Variants in CDH13 observed in about 807,000 individuals in gnomAD.
CDH13 encodes cadherin-13.
Under a neutral mutation model 63.8 loss-of-function variants are expected in CDH13, and 24 were observed. That is an observed-to-expected ratio of 0.38 (90% CI 0.27 to 0.53). The LOEUF is 0.53. CDH13 is among the 20% of genes least tolerant of loss of function. The pLI is 0.85. For synonymous variants in CDH13, 503 were observed against 355.3 expected (o/e 1.42, Z -4.67); for missense variants, 1,049 against 903.1 (o/e 1.16, Z -2.07).
At chr16:82,838,616 T>C (rs1415594523) in intron 1 of CDH13, among the ~76,000 whole-genome samples, 1 of 152,228 alleles carries the variant, frequency 6.6e-6, no homozygotes, top group Non-Finnish European at 1.5e-5. Flanking sequence ...GTGCCTTCTC[T>C]GCATGAGCCT....
chr16:83,499,483 A>G (rs1052718120), intron 7 of CDH13, among the ~76,000 whole-genome samples: 1 of 152,236 alleles, frequency 6.6e-6, no homozygotes, highest in African/African-American at 2.4e-5. Context: ...GAGAAACATC[A>G]TTAGCTTGAA....
chr16:83,778,598 C>G (rs770157802), intron 11 of CDH13, among the ~76,000 whole-genome samples: 4 of 151,710 alleles, frequency 2.6e-5, no homozygotes, highest in Non-Finnish European at 5.9e-5. Flanking sequence ...ATAGTATTTC[C>G]TAAAATGAAA....
chr16:82,849,671 T>G (rs2039401166), intron 1 of CDH13, among the ~76,000 whole-genome samples: 1 of 152,228 alleles, frequency 6.6e-6, no homozygotes. Context: ...AGATCCCATC[T>G]AGGACTTTCA....
At chr16:83,508,016 G>A (rs575461930) in intron 7 of CDH13, among the ~76,000 whole-genome samples, 1 of 138,310 alleles carries the variant, frequency 7.2e-6, no homozygotes, top group South Asian at 2.4e-4. Flanking sequence ...TGGGCAACAA[G>A]AGCAACATTC....
chr16:82,944,929 A>C (rs371478252), intron 2 of CDH13, among the ~76,000 whole-genome samples: 1 of 152,340 alleles, frequency 6.6e-6, no homozygotes, highest in African/African-American at 2.4e-5. Context: ...TTTTAAAAAA[A>C]TACACAGGGG....
chr16:83,653,868 G>T (rs978611618), intron 8 of CDH13, among the ~76,000 whole-genome samples: 1 of 152,272 alleles, frequency 6.6e-6, no homozygotes, highest in South Asian at 2.1e-4. Flanking sequence ...TAAGAAAGGC[G>T]CTCAGCACGG....
chr16:82,639,921 T>C (rs1288625258), intron 1 of CDH13, among the ~76,000 whole-genome samples: 1 of 152,224 alleles, frequency 6.6e-6, no homozygotes, highest in Admixed American at 6.5e-5. Flanking sequence ...TGGCCGTGCC[T>C]ATCTGTGCAT....
chr16:83,515,776 A>G (rs1567728947), intron 7 of CDH13, among the ~76,000 whole-genome samples: 1 of 152,238 alleles, frequency 6.6e-6, no homozygotes, highest in African/African-American at 2.4e-5. Context: ...AAACACACCA[A>G]GCAAAGCGTT....
At chr16:82,697,739 TTGTGTGTGTGTGTGTGTGTGTG>T (rs56791322) in intron 1 of CDH13, among the ~76,000 whole-genome samples, 2,460 of 146,580 alleles carry the variant, frequency 0.017, 76 homozygotes, top group African/African-American at 0.051. Context: ...GGCCGAGGCA[TTGTGTGTGTGTGTGTGTGTGTG>T]TGTGTGTGTG....
intron 1 of CDH13, among the ~76,000 whole-genome samples, chr16:82,841,138 C>T (rs747631123): frequency 1.2e-4 from 19 of 152,324 alleles, no homozygotes; most frequent in Non-Finnish European, 2.1e-4. Context: ...TTACCATCCA[C>T]GGAGTGTTGC....
intron 3 of CDH13, among the ~76,000 whole-genome samples, chr16:83,074,663 AT>A (rs1375954177): frequency 1.3e-5 from 2 of 152,098 alleles, no homozygotes; most frequent in Non-Finnish European, 2.9e-5. Flanking sequence ...AGCATCTGTT[AT>A]TTTTTGCAAT....
intron 1 of CDH13, among the ~76,000 whole-genome samples, chr16:82,674,074 C>T (rs1023530124): frequency 6.6e-6 from 1 of 152,118 alleles, no homozygotes; most frequent in Non-Finnish European, 1.5e-5. Flanking sequence ...GTTTTTCTTC[C>T]CATTTAAGAA....
At chr16:83,249,372 C>G (rs1485337486) in intron 5 of CDH13, among the ~76,000 whole-genome samples, 1 of 152,128 alleles carries the variant, frequency 6.6e-6, no homozygotes, top group East Asian at 1.9e-4. Context: ...ATGGGCAACA[C>G]CAAGGATTGT....
chr16:82,830,874 T>C (rs1327493745), intron 1 of CDH13, among the ~76,000 whole-genome samples: 1 of 152,224 alleles, frequency 6.6e-6, no homozygotes, highest in African/African-American at 2.4e-5. Flanking sequence ...TGACAAGATA[T>C]AGAATAAGTC....
intron 1 of CDH13, among the ~76,000 whole-genome samples, chr16:82,746,208 CACACTGTTTATATATATGTG>C (rs1567492632): frequency 2.3e-5 from 2 of 88,400 alleles, no homozygotes; most frequent in Non-Finnish European, 5.6e-5. Context: ...TATATATAAA[CACACTGTTTATATATATGTG>C]TTTATATATA....
chr16:82,909,135 A>C (rs917463894), intron 2 of CDH13, among the ~76,000 whole-genome samples: 1 of 152,126 alleles, frequency 6.6e-6, no homozygotes, highest in African/African-American at 2.4e-5. Flanking sequence ...GTATTTTAAA[A>C]TTTGTATTAT....
chr16:83,232,552 A>C lies in CDH13; in HGVS notation c.636+15055A>C, dbSNP rs1452216786. Among the ~76,000 whole-genome samples the C allele has an allele frequency of 7.8e-3, 778 of 99,470 alleles. 7 individuals carry two copies. Among genetic ancestry groups the C allele is most frequent in the African/African-American group, 0.023 (747 of 32,832 alleles). 65.3% of individuals were successfully genotyped at this position (99,470 alleles called of 152,430 possible). On this transcript the variant is annotated intron_variant, in intron 5 of 13. Coordinates refer to ENST00000567109, the MANE Select transcript of CDH13 (RefSeq NM_001257.5). Reference sequence around the variant, plus strand: ...AAACGACAACAACAACAACAAACAAACAAAAAAAAAAAAAAGTGTGGCACC... The same window carrying C: ...AAACGACAACAACAACAACAAACAACCAAAAAAAAAAAAAAGTGTGGCACC...
At chr16:83,104,188 A>G (rs1252851985) in intron 3 of CDH13, among the ~76,000 whole-genome samples, 1 of 152,216 alleles carries the variant, frequency 6.6e-6, no homozygotes. Flanking sequence ...CACTGGGCCC[A>G]GGGAAACCTC....
At chr16:83,422,708 A>T (rs1567661963) in intron 6 of CDH13, among the ~76,000 whole-genome samples, 1 of 152,298 alleles carries the variant, frequency 6.6e-6, no homozygotes, top group East Asian at 1.9e-4. Flanking sequence ...CTCTAAGCTC[A>T]TGTGGCCATT....
Sources: gnomAD v4.1 joint callset for allele counts (sites outside exome capture counted in the v4.1 genomes callset) on GRCh38, gnomAD v4.1.1 for gene constraint, MANE v1.5 for transcripts, NCBI Gene and HGNC (gene_info 2026-07-23, HGNC 2026-07-21) for gene names.